The following CNTN5 variants were observed in gnomAD, a reference collection of about 807,000 sequenced individuals.
CNTN5 encodes the protein contactin-5.
CNTN5 carries 77 observed loss-of-function variants against 129.1 expected under a neutral mutation model. The observed-to-expected ratio is 0.60, with a 90% confidence interval of 0.50 to 0.72. CNTN5 has a LOEUF of 0.72. CNTN5 is among the 30% of genes least tolerant of loss of function. The probability of loss-of-function intolerance (pLI) is 0.00; values close to 1 mark genes in which losing one functional copy is unlikely to be tolerated. For missense variants in CNTN5, 1,478 were observed against 1,328.8 expected (o/e 1.11, Z -1.75); for synonymous variants, 509 against 465.6 (o/e 1.09, Z -1.20).
At chr11:99,476,743 T>C (rs994712822) in intron 2 of CNTN5, among the ~76,000 whole-genome samples, 1 of 152,176 alleles carries the variant, frequency 6.6e-6, no homozygotes, top group African/African-American at 2.4e-5. Context: ...TCTGAATTCA[T>C]TCTGATTAAA....
At chr11:99,132,246 A>G (rs4644618) in intron 1 of CNTN5, among the ~76,000 whole-genome samples, 137,212 of 151,816 alleles carry the variant, frequency 0.9, 62,202 homozygotes, top group East Asian at 0.99. Flanking sequence ...AGGTATTGAA[A>G]GAACATACCT....
intron 2 of CNTN5, among the ~76,000 whole-genome samples, chr11:99,339,516 A>G (rs975173981): frequency 9.9e-5 from 15 of 152,268 alleles, no homozygotes; most frequent in Admixed American, 8.5e-4. Context: ...TCAGTGGCTC[A>G]CACCTGTAAT....
chr11:99,740,124 T>C lies in CNTN5; in HGVS notation c.56-79420T>C, dbSNP rs898557054. ...TCTTGAGGAAGAATGATTTCAATTT[T>C]AAAGCAAAAGTGTTTTTCAAATAAC... is the stretch of plus-strand genomic sequence containing the variant. On this transcript the variant is annotated intron_variant, in intron 3 of 24. Transcript: ENST00000524871. 2.6e-5 allele frequency among the ~76,000 whole-genome samples: 4 copies of C among 152,326 alleles called. No homozygotes were observed. The East Asian group carries it at 7.7e-4, about 29-fold the overall frequency.
chr11:99,630,107 A>G (rs1951283993), intron 3 of CNTN5, among the ~76,000 whole-genome samples: 1 of 151,980 alleles, frequency 6.6e-6, no homozygotes, highest in Non-Finnish European at 1.5e-5. Flanking sequence ...CAGTAGGTAT[A>G]TAATTAAATA....
chr11:100,308,237 T>C, intron 20 of CNTN5, 122 bp from the exon 21 acceptor site: 1 of 817,452 alleles, frequency 1.2e-6, no homozygotes, highest in South Asian at 2.0e-5. Flanking sequence ...GTGTTTTTTA[T>C]AACTACCACA....
At chr11:99,238,136 T>A (rs911872040) in intron 1 of CNTN5, among the ~76,000 whole-genome samples, 2 of 152,158 alleles carry the variant, frequency 1.3e-5, no homozygotes, top group Admixed American at 1.3e-4. Flanking sequence ...TGCATCTTTT[T>A]AAAAATGGGA....
intron 9 of CNTN5, among the ~76,000 whole-genome samples, chr11:100,035,677 A>G (rs1268153087): frequency 6.8e-6 from 1 of 146,070 alleles, no homozygotes; most frequent in East Asian, 2.0e-4. Context: ...CTGGTGTGAG[A>G]TGGTATCTCA....
chr11:99,355,818 TTTG>T (rs1183630577), intron 2 of CNTN5, among the ~76,000 whole-genome samples: 1 of 147,092 alleles, frequency 6.8e-6, no homozygotes, highest in Non-Finnish European at 1.5e-5. Flanking sequence ...ATGGTTTTTT[TTTG>T]TTTTTTTTTT....
intron 1 of CNTN5, among the ~76,000 whole-genome samples, chr11:99,258,801 A>C (rs1418271130): frequency 1.3e-5 from 2 of 151,966 alleles, no homozygotes; most frequent in Non-Finnish European, 2.9e-5. Flanking sequence ...CTATTTAGTC[A>C]GTAGGTAAAA....
intron 2 of CNTN5, among the ~76,000 whole-genome samples, chr11:99,479,280 A>G (rs1436476817): frequency 6.6e-6 from 1 of 150,982 alleles, no homozygotes; most frequent in African/African-American, 2.4e-5. Flanking sequence ...TTTTTTTACT[A>G]TTTTATAAGA....
At chr11:99,368,028 T>C (rs1428996158) in intron 2 of CNTN5, among the ~76,000 whole-genome samples, 1 of 152,176 alleles carries the variant, frequency 6.6e-6, no homozygotes, top group African/African-American at 2.4e-5. Context: ...CAGCTTGCAA[T>C]AGACATTTGG....
intron 3 of CNTN5, among the ~76,000 whole-genome samples, chr11:99,699,592 G>A (rs1369773126): frequency 2.0e-5 from 3 of 151,462 alleles, no homozygotes; most frequent in African/African-American, 7.2e-5. Context: ...ATAAGCCAGT[G>A]ATGTGCCTAG....
At chr11:99,905,919 A>C (rs778095886) in intron 6 of CNTN5, among the ~76,000 whole-genome samples, 1 of 152,040 alleles carries the variant, frequency 6.6e-6, no homozygotes, top group Non-Finnish European at 1.5e-5. Flanking sequence ...ATGGAAGTTC[A>C]CTCATCATTT....
chr11:100,032,623 G>C (rs762443749), intron 9 of CNTN5, among the ~76,000 whole-genome samples: 4 of 151,850 alleles, frequency 2.6e-5, no homozygotes, highest in African/African-American at 4.8e-5. Flanking sequence ...GTATGACTTT[G>C]TTATGACTTT....
chr11:99,968,446 T>A (rs1951154620), intron 8 of CNTN5, among the ~76,000 whole-genome samples: 1 of 151,598 alleles, frequency 6.6e-6, no homozygotes, highest in Admixed American at 6.6e-5. Context: ...AGGAAAGAAT[T>A]GTGTCAACAT....
At chr11:99,248,442 G>GC (rs1425411056) in intron 1 of CNTN5, among the ~76,000 whole-genome samples, 1 of 152,018 alleles carries the variant, frequency 6.6e-6, no homozygotes, top group African/African-American at 2.4e-5. Flanking sequence ...AGTTTCTTTT[G>GC]CTGTGCAGAA....
chr11:99,922,806 C>A (rs1190375295), intron 7 of CNTN5, among the ~76,000 whole-genome samples: 6 of 152,144 alleles, frequency 3.9e-5, no homozygotes, highest in Non-Finnish European at 8.8e-5. Context: ...GTGTCTGATC[C>A]TTACTAGGTG....
At position 100,153,253 on chromosome 11, in the gene CNTN5, G is replaced by T. The variant is rs539681132; in HGVS notation, c.1581-37873G>T. On this transcript the variant is annotated intron_variant, in intron 13 of 24. Transcript: ENST00000524871. Reference sequence around the variant, plus strand: ...TCATTAACATTATTAGTAAACCTGCGCAATCAGTTAAAAATCACTCATTTC... The same window carrying T: ...TCATTAACATTATTAGTAAACCTGCTCAATCAGTTAAAAATCACTCATTTC... 2.0e-5 allele frequency among the ~76,000 whole-genome samples: 3 copies of T among 152,036 alleles called. No homozygotes were observed. In the East Asian group the frequency reaches 5.8e-4, roughly 29 times the overall value.
chr11:99,745,171 T>C (rs1189368428), intron 3 of CNTN5, among the ~76,000 whole-genome samples: 1 of 152,188 alleles, frequency 6.6e-6, no homozygotes, highest in Non-Finnish European at 1.5e-5. Context: ...GGATTGCTGC[T>C]TTTACCTCCC....
Sources: gnomAD v4.1 joint callset for allele counts (sites outside exome capture counted in the v4.1 genomes callset) on GRCh38, gnomAD v4.1.1 for gene constraint, MANE v1.5 for transcripts, NCBI Gene and HGNC (gene_info 2026-07-23, HGNC 2026-07-21) for gene names.